The following SLC38A4 variants were observed in gnomAD, a reference collection of about 807,000 sequenced individuals.
SLC38A4 encodes solute carrier family 38 member 4.
In SLC38A4, 20 loss-of-function variants were observed where a neutral mutation model predicts 63.1. That is an observed-to-expected ratio of 0.32 (90% confidence interval 0.22 to 0.46). The LOEUF is 0.46. SLC38A4 is among the 20% of genes least tolerant of loss of function. The pLI, the probability that SLC38A4 is intolerant of heterozygous loss-of-function variation, is 1.00. For synonymous variants in SLC38A4, 230 were observed against 225.5 expected, an observed-to-expected ratio of 1.02 and a Z score of -0.18; for missense variants, 526 against 663.6, an observed-to-expected ratio of 0.79 and a Z score of 2.28.
chr12:46,817,889 A>C (rs1455280814), intron 1 of SLC38A4, among the ~76,000 whole-genome samples: 1 of 151,956 alleles, frequency 6.6e-6, no homozygotes, highest in Non-Finnish European at 1.5e-5. Context: ...TATACTAATA[A>C]AGTAATAGAA....
At chr12:46,808,745 A>G (rs1299786515) in intron 1 of SLC38A4, among the ~76,000 whole-genome samples, 1 of 152,080 alleles carries the variant, frequency 6.6e-6, no homozygotes, top group Non-Finnish European at 1.5e-5. Flanking sequence ...TAATGTACTG[A>G]AATTCTAAAT....
At chr12:46,796,983 A>G (rs75729448) in intron 2 of SLC38A4, among the ~76,000 whole-genome samples, 7,975 of 152,188 alleles carry the variant, frequency 0.052, 525 homozygotes, top group East Asian at 0.26. Flanking sequence ...TTCCAACCCT[A>G]TCTTCTTTCT....
At chr12:46,782,973 A>C (rs1938673739) in intron 7 of SLC38A4, among the ~76,000 whole-genome samples, 1 of 143,688 alleles carries the variant, frequency 7.0e-6, no homozygotes. Context: ...ACTAGTATTT[A>C]CCAGTCTAGA....
chr12:46,806,943 C>T (rs1939245743), intron 1 of SLC38A4, among the ~76,000 whole-genome samples: 3 of 151,718 alleles, frequency 2.0e-5, no homozygotes. Flanking sequence ...CTACCTCCAA[C>T]AATGACCTTA....
intron 1 of SLC38A4, among the ~76,000 whole-genome samples, chr12:46,809,835 T>C (rs1225750509): frequency 6.6e-6 from 1 of 152,052 alleles, no homozygotes; most frequent in East Asian, 1.9e-4. Flanking sequence ...GATTCAAGTA[T>C]GTTTAGATGG....
chr12:46,771,851 C>T (rs1938422855), intron 14 of SLC38A4, among the ~76,000 whole-genome samples: 1 of 152,084 alleles, frequency 6.6e-6, no homozygotes, highest in Non-Finnish European at 1.5e-5. Flanking sequence ...TGCTCTTCCA[C>T]TTAGCTATGT....
Position 46,802,850 on chromosome 12 carries a change from A to G in SLC38A4, c.-113+753T>C, listed in dbSNP as rs1939159610. Among the ~76,000 whole-genome samples, 4 of 152,132 alleles carry G rather than the reference A, an allele frequency of 2.6e-5. No individual in the cohort carries two copies. In the South Asian group the frequency reaches 8.3e-4, roughly 31 times the overall value. Reference sequence around the variant, plus strand: ...CACATATGCTCTGTAAGATACTCAAAGTACAGGGATACTTAAATCCACTGG... The same window carrying G: ...CACATATGCTCTGTAAGATACTCAAGGTACAGGGATACTTAAATCCACTGG... On this transcript the variant is annotated intron_variant, in intron 2 of 16. Transcript: ENST00000266579.
chr12:46,778,209 G>A, intron 12 of SLC38A4, 80 bp downstream of exon 12: 1 of 1,344,724 alleles, frequency 7.4e-7, no homozygotes, highest in Non-Finnish European at 1.1e-6. Flanking sequence ...GCTATAAACT[G>A]TGTTTCCTGT....
rs763698118 is a variant in SLC38A4, at chr12:46,769,388, G to C, written c.1340C>G (p.Pro447Arg). ...CAGGAAATGTCGTATCCAGCTGAAG[G>C]GTCGTTTGGGAAATAACAGTGTGAT... ...SVITLLFPKR[P>R]FSWIRHFLIA... is the part of the protein sequence containing the mutation. The change falls in exon 15 of 17, where the codon CCC becomes CGC. Residue 447 changes from proline to arginine, a missense_variant. By Grantham distance (103) the Pro-to-Arg change is moderately radical. Transcript: ENST00000266579. 3 of 1,613,418 alleles carry C rather than the reference G, an allele frequency of 1.9e-6. No individual in the cohort carries two copies. The Admixed American group carries it at 5.0e-5, about 27-fold the overall frequency.
chr12:46,776,335 CTT>C (rs900944861), intron 13 of SLC38A4, among the ~76,000 whole-genome samples: 50 of 151,902 alleles, frequency 3.3e-4, no homozygotes, highest in African/African-American at 1.2e-3. Flanking sequence ...GCCATAGTCA[CTT>C]TTTTTTGGTG....
chr12:46,792,310 G>T (rs1313876367), intron 3 of SLC38A4, among the ~76,000 whole-genome samples: 1 of 152,102 alleles, frequency 6.6e-6, no homozygotes, highest in Non-Finnish European at 1.5e-5. Flanking sequence ...GGCTATGTGG[G>T]TCAAAGTTTA....
In SLC38A4 at chr12:46,819,463, A is replaced by T. The variant is rs185346184; in HGVS notation, c.-305+6440T>A. 2.9e-3 allele frequency among the ~76,000 whole-genome samples: 448 copies of T among 152,080 alleles called. 3 individuals are homozygous for T. The highest frequency in any genetic ancestry group is 0.014 in the Middle Eastern group (4 of 294). On this transcript the variant is annotated intron_variant, in intron 1 of 16. Transcript: ENST00000266579. ...TATCATTCTGTACCAATTATTAAAT[A>T]CCAATTAAAAATTAAAATAAGAAAA...
At chr12:46,807,486 T>G (rs147425468) in intron 1 of SLC38A4, among the ~76,000 whole-genome samples, 1 of 151,972 alleles carries the variant, frequency 6.6e-6, no homozygotes, top group Non-Finnish European at 1.5e-5. Context: ...AGAAACAATA[T>G]TTTGATTACT....
Position 46,793,133 on chromosome 12 carries a change from C to G in SLC38A4, c.-62G>C. 3.4e-6 allele frequency: 4 copies of G among 1,182,810 alleles called. No individual in the cohort carries two copies. Among genetic ancestry groups the G allele is most frequent in the Non-Finnish European group, 5.0e-6 (4 of 793,544 alleles). The allele number at this position is 1,182,810 out of a possible 1,614,324, so 73.3% of individuals were successfully genotyped here. On this transcript the variant is annotated 5_prime_UTR_variant, in exon 3 of 17. Transcript: ENST00000266579. Reference sequence around the variant, plus strand: ...CCTTCAGTGTAAATAATATACTGTACCTTCAGCTTAAGGTTCTTCCACTTT... The same window carrying G: ...CCTTCAGTGTAAATAATATACTGTAGCTTCAGCTTAAGGTTCTTCCACTTT...
At chr12:46,819,302 G>A (rs1427115615) in intron 1 of SLC38A4, among the ~76,000 whole-genome samples, 1 of 151,498 alleles carries the variant, frequency 6.6e-6, no homozygotes, top group Non-Finnish European at 1.5e-5. Context: ...AGGGGAGGGA[G>A]GGGGAGAGAG....
At chr12:46,792,676 C>G (rs1282233264) in intron 3 of SLC38A4, among the ~76,000 whole-genome samples, 1 of 151,968 alleles carries the variant, frequency 6.6e-6, no homozygotes, top group East Asian at 1.9e-4. Context: ...AAAGAGGAAT[C>G]TGAGAAAGAT....
intron 2 of SLC38A4, 118 bp from the exon 3 acceptor site, chr12:46,793,301 A>G (rs907881111): frequency 3.1e-6 from 1 of 327,542 alleles, no homozygotes; most frequent in African/African-American, 2.1e-5. Context: ...AACTCCTGAA[A>G]ACTTTACATA....
At chr12:46,772,628 T>C in intron 14 of SLC38A4, among the ~76,000 whole-genome samples, 1 of 152,170 alleles carries the variant, frequency 6.6e-6, no homozygotes, top group Non-Finnish European at 1.5e-5. Context: ...TATTCACTTG[T>C]TCAACAAATA....
At chr12:46,820,200 A>G (rs1939514164) in intron 1 of SLC38A4, among the ~76,000 whole-genome samples, 1 of 151,976 alleles carries the variant, frequency 6.6e-6, no homozygotes, top group Admixed American at 6.6e-5. Flanking sequence ...AGATAAGAAC[A>G]CTTAACATGA....
Sources: allele counts gnomAD v4.1 joint callset (sites outside exome capture counted in the v4.1 genomes callset), GRCh38; gene constraint gnomAD v4.1.1; transcripts MANE v1.5; gene names NCBI Gene and HGNC (gene_info 2026-07-23, HGNC 2026-07-21).